CPA6: variants seen among roughly 807,000 people sequenced by gnomAD.
The protein encoded by CPA6 is carboxypeptidase B.
In CPA6, 58 loss-of-function variants were observed where a neutral mutation model predicts 63.3. The observed-to-expected ratio is 0.92, with a 90% confidence interval of 0.74 to 1.14. The LOEUF is 1.14. Ranked by LOEUF, CPA6 falls within the 50% of genes most tolerant of loss-of-function variation. The probability of loss-of-function intolerance (pLI) is 0.00; values close to 1 mark genes in which losing one functional copy is unlikely to be tolerated. For synonymous variants in CPA6, 185 were observed against 179.0 expected (o/e 1.03, Z -0.27); for missense variants, 565 against 526.6 (o/e 1.07, Z -0.71).
intron 2 of CPA6, among the ~76,000 whole-genome samples, chr8:67,610,252 C>T (rs895576808): frequency 4.6e-5 from 7 of 151,942 alleles, no homozygotes; most frequent in Non-Finnish European, 7.4e-5. Flanking sequence ...AGTGGTATGC[C>T]CCTGTAGTTC....
intron 2 of CPA6, among the ~76,000 whole-genome samples, chr8:67,540,139 T>A (rs1418247514): frequency 6.6e-6 from 1 of 152,214 alleles, no homozygotes; most frequent in Non-Finnish European, 1.5e-5. Flanking sequence ...CTCGTGGATT[T>A]ATCTACCTTT....
intron 1 of CPA6, among the ~76,000 whole-genome samples, chr8:67,627,184 G>A (rs1254707134): frequency 1.3e-5 from 2 of 152,090 alleles, no homozygotes; most frequent in Non-Finnish European, 2.9e-5. Context: ...TGGAATGACG[G>A]GTAACCAAAG....
chr8:67,692,449 T>C (rs1268762574), intron 1 of CPA6, among the ~76,000 whole-genome samples: 1 of 152,178 alleles, frequency 6.6e-6, no homozygotes, highest in African/African-American at 2.4e-5. Flanking sequence ...ATAATTTTTT[T>C]CCATGAGTCT....
intron 3 of CPA6, among the ~76,000 whole-genome samples, chr8:67,516,451 T>A (rs1812146527): frequency 6.6e-6 from 1 of 152,158 alleles, no homozygotes; most frequent in Non-Finnish European, 1.5e-5. Context: ...TACACCAAGA[T>A]TTCCCCCTAC....
At chr8:67,435,294 G>C (rs531879308) in intron 8 of CPA6, among the ~76,000 whole-genome samples, 9 of 152,212 alleles carry the variant, frequency 5.9e-5, no homozygotes, top group Non-Finnish European at 8.8e-5. Flanking sequence ...AAGAAGGGCT[G>C]GACCCACTTT....
chr8:67,423,148 A>G (rs980937508), intron 10 of CPA6, among the ~76,000 whole-genome samples: 2 of 151,824 alleles, frequency 1.3e-5, no homozygotes, highest in Admixed American at 6.6e-5. Flanking sequence ...GCAGTGTCAC[A>G]ATCTTGGCTC....
chr8:67,602,281 T>C (rs1447905945), intron 2 of CPA6, among the ~76,000 whole-genome samples: 2 of 152,190 alleles, frequency 1.3e-5, no homozygotes, highest in African/African-American at 4.8e-5. Context: ...TGGATTTGTG[T>C]AGAATACCTC....
intron 2 of CPA6, among the ~76,000 whole-genome samples, chr8:67,597,697 A>G (rs985918319): frequency 7.9e-5 from 12 of 152,130 alleles, no homozygotes; most frequent in African/African-American, 2.7e-4. Context: ...TAATTCCGCA[A>G]TATCACTTTG....
At chr8:67,558,156 C>T (rs1419336388) in intron 2 of CPA6, among the ~76,000 whole-genome samples, 1 of 152,212 alleles carries the variant, frequency 6.6e-6, no homozygotes, top group Non-Finnish European at 1.5e-5. Flanking sequence ...TTCGCCTTCA[C>T]ACTTGCTATG....
rs1380968617 is a variant in CPA6, at chr8:67,461,248, G to A, written c.838+22520C>T. On this transcript the variant is annotated intron_variant, in intron 8 of 10. Coordinates refer to ENST00000297770, the MANE Select transcript of CPA6 (RefSeq NM_020361.5). ...TGTGTCCCTGGGTACTTGAGATTAGGGAGTGGTGATGATTCTTAACGAGCA... is the reference window on the plus strand; with the variant it reads ...TGTGTCCCTGGGTACTTGAGATTAGAGAGTGGTGATGATTCTTAACGAGCA... 1.1e-4 allele frequency among the ~76,000 whole-genome samples: 16 copies of A among 141,702 alleles called. No individual in the cohort carries two copies. In the South Asian group the frequency reaches 3.8e-3, roughly 34 times the overall value. The allele number at this position is 141,702 out of a possible 152,430, so 93.0% of individuals were successfully genotyped here.
intron 1 of CPA6, among the ~76,000 whole-genome samples, chr8:67,693,595 G>T (rs529396381): frequency 2.0e-5 from 3 of 152,202 alleles, no homozygotes; most frequent in Non-Finnish European, 4.4e-5. Context: ...GAGGCCCCAC[G>T]AATGGGATTA....
chr8:67,549,700 A>G (rs1812898749), intron 2 of CPA6, among the ~76,000 whole-genome samples: 2 of 152,174 alleles, frequency 1.3e-5, no homozygotes, highest in African/African-American at 4.8e-5. Context: ...AAATTTGACT[A>G]TTTTAGATTC....
intron 2 of CPA6, among the ~76,000 whole-genome samples, chr8:67,570,818 C>T (rs1025387883): frequency 6.6e-6 from 1 of 152,076 alleles, no homozygotes; most frequent in African/African-American, 2.4e-5. Context: ...AAACAATGAA[C>T]AAAATGGTAT....
chr8:67,624,215 C>T lies in CPA6; in HGVS notation c.153G>A (p.Glu51=). ...ATATTTTCTTCAGTGCATATGCTTC[C>T]TCTTCTGTTTTGGGAATAAATCTTA... ...KVIRFIPKTE[E]EAYALKKISY... is the part of the protein sequence containing the mutation. Residue 51 remains glutamate (E), a synonymous_variant, in exon 2 of 11, where the codon GAG becomes GAA. Transcript: ENST00000297770. 6.5e-7 allele frequency: 1 copy of T among 1,546,944 alleles called. No individual in the cohort carries two copies. Among genetic ancestry groups the T allele is most frequent in the Non-Finnish European group, 8.9e-7 (1 of 1,121,900 alleles).
intron 8 of CPA6, among the ~76,000 whole-genome samples, chr8:67,465,864 T>C (rs1380281694): frequency 6.6e-6 from 1 of 152,206 alleles, no homozygotes; most frequent in Non-Finnish European, 1.5e-5. Context: ...GCTAGTATTT[T>C]GTTAAGGATT....
intron 9 of CPA6, among the ~76,000 whole-genome samples, chr8:67,430,124 T>C: frequency 7.6e-6 from 1 of 131,664 alleles, no homozygotes; most frequent in Non-Finnish European, 1.6e-5. Context: ...GTAAATGGTA[T>C]ATATATATGT....
chr8:67,442,453 A>G (rs976455415), intron 8 of CPA6, among the ~76,000 whole-genome samples: 10 of 152,186 alleles, frequency 6.6e-5, no homozygotes, highest in Non-Finnish European at 1.5e-4. Flanking sequence ...GTTCAGGAAA[A>G]TCTTCTTAGA....
chr8:67,647,610 C>A (rs970879765), intron 1 of CPA6, among the ~76,000 whole-genome samples: 2 of 152,184 alleles, frequency 1.3e-5, no homozygotes, highest in African/African-American at 4.8e-5. Context: ...ACTCCTGTCT[C>A]TCAATTGTCT....
intron 1 of CPA6, among the ~76,000 whole-genome samples, chr8:67,652,245 T>C (rs894092549): frequency 2.0e-5 from 3 of 152,190 alleles, no homozygotes; most frequent in African/African-American, 7.2e-5. Flanking sequence ...TATAGTCCTT[T>C]GGGTATATAC....
Sources: allele counts gnomAD v4.1 joint callset (sites outside exome capture counted in the v4.1 genomes callset), GRCh38; gene constraint gnomAD v4.1.1; transcripts MANE v1.5; gene names NCBI Gene and HGNC (gene_info 2026-07-23, HGNC 2026-07-21).